UBR3: variants seen among roughly 807,000 people sequenced by gnomAD.
UBR3 encodes the protein E3 ubiquitin-protein ligase UBR3.
In UBR3, 85 loss-of-function variants were observed where a neutral mutation model predicts 243.2. That is an observed-to-expected ratio of 0.35 (90% CI 0.29 to 0.42). UBR3 has a LOEUF of 0.42. Among genes scored for constraint, UBR3 ranks in the 10% least tolerant of loss-of-function variants. The pLI, the probability that UBR3 is intolerant of heterozygous loss-of-function variation, is 1.00. For missense variants in UBR3, 1,686 were observed against 2,300.8 expected (o/e 0.73, Z 5.47); for synonymous variants, 748 against 799.8 (o/e 0.94, Z 1.09).
intron 25 of UBR3, among the ~76,000 whole-genome samples, chr2:169,992,617 A>C (rs1282721149): frequency 1.3e-5 from 2 of 152,186 alleles, no homozygotes; most frequent in African/African-American, 2.4e-5. Context: ...TGCTGTTATA[A>C]ATCCTTGCAA....
intron 1 of UBR3, among the ~76,000 whole-genome samples, chr2:169,831,280 C>T (rs1433146388): frequency 6.7e-6 from 1 of 150,016 alleles, no homozygotes; most frequent in East Asian, 2.0e-4. Context: ...GCTGGGATTA[C>T]AGGGATGCGC....
Position 169,877,629 on chromosome 2 carries a change from C to T in UBR3, c.980C>T (p.Ala327Val). ...QEPSAGTSSL[A>V]VQGFIGATGT... ...CCATCTGCTGGTACTAGTTCTCTGG[C>T]TGTTCAAGGTTTGTCTAAATATTTA... Residue 327 changes from alanine to valine, a missense_variant, in exon 4 of 39, where the codon GCT becomes GTT. Ala to Val is a moderately conservative substitution (Grantham distance 64). Around this residue, in one of 8 missense-constraint regions of UBR3, gnomAD observed 200 missense variants for 231.6 expected, o/e 0.86. Transcript: ENST00000272793. 6.5e-7 allele frequency: 1 copy of T among 1,541,518 alleles called. No homozygotes were observed. The highest frequency in any genetic ancestry group is 1.7e-4 in the Middle Eastern group (1 of 5,970).
At chr2:169,892,033 G>C (rs1035376572) in intron 6 of UBR3, among the ~76,000 whole-genome samples, 16 of 152,184 alleles carry the variant, frequency 1.1e-4, no homozygotes, top group Non-Finnish European at 2.2e-4. Context: ...TCTTACTTCT[G>C]CTGTTGATTA....
chr2:169,994,410 C>T lies in UBR3; in HGVS notation c.3872C>T (p.Ala1291Val). ...EQIYPWDTCA[A>V]VHDVRLSLLQ... ...ATTTACCCTTGGGATACCTGTGCAG[C>T]CGTTCATGATGTGAGGCTTTCATTA... Residue 1291 changes from alanine (A) to valine (V), a missense_variant, in exon 26 of 39, where the codon GCC (alanine) becomes GTC (valine). By Grantham distance (64) the Ala-to-Val change is moderately conservative. This residue lies in a region of UBR3 where 156 missense variants were observed against 246.3 expected (regional missense o/e 0.63). Transcript: ENST00000272793. 1 of 1,614,060 alleles carries T rather than the reference C, an allele frequency of 6.2e-7. No individual in the cohort carries two copies.
intron 11 of UBR3, among the ~76,000 whole-genome samples, chr2:169,920,175 A>C (rs1240657261): frequency 6.6e-6 from 1 of 152,172 alleles, no homozygotes; most frequent in Non-Finnish European, 1.5e-5. Flanking sequence ...AGGGACATGG[A>C]TGAAGCTAGA....
At chr2:169,985,301 T>C (rs2088952499) in intron 24 of UBR3, among the ~76,000 whole-genome samples, 1 of 149,622 alleles carries the variant, frequency 6.7e-6, no homozygotes, top group Admixed American at 6.7e-5. Context: ...CGATCTCGGC[T>C]AACTGCAACC....
intron 18 of UBR3, 134 bp from the exon 19 acceptor site, chr2:169,932,778 T>C (rs1017061928): frequency 1.4e-6 from 1 of 710,262 alleles, no homozygotes; most frequent in Non-Finnish European, 2.2e-6. Context: ...ATCAAGCTTC[T>C]TAAGGCAAAT....
At chr2:169,917,486 TTTAAA>T (rs1428129544) in intron 11 of UBR3, among the ~76,000 whole-genome samples, 1 of 152,208 alleles carries the variant, frequency 6.6e-6, no homozygotes, top group Admixed American at 6.5e-5. Flanking sequence ...GAAAATGATA[TTTAAA>T]TTAATCATGC....
At chr2:169,935,409 T>G (rs1354592410) in intron 19 of UBR3, among the ~76,000 whole-genome samples, 1 of 152,210 alleles carries the variant, frequency 6.6e-6, no homozygotes, top group Non-Finnish European at 1.5e-5. Context: ...TCTCAAGTGA[T>G]CTTCCTGTCT....
intron 32 of UBR3, among the ~76,000 whole-genome samples, chr2:170,048,296 G>A (rs529612015): frequency 1.6e-4 from 24 of 152,232 alleles, no homozygotes; most frequent in Admixed American, 6.5e-4. Flanking sequence ...AGTTTTGGCC[G>A]ATTCATGGAG....
At position 169,877,586 on chromosome 2, in the gene UBR3, G is replaced by C; in HGVS notation, c.937G>C (p.Val313Leu). The stretch of plus-strand genomic sequence containing the variant: ...ACTTACATATCCTGAGGATAAGCTT[G>C]TATATGGTGTGCAGGAGCCATCTGC... ...SGLTYPEDKL[V>L]YGVQEPSAGT... The change falls in exon 4 of 39, where the codon GTA becomes CTA. Residue 313 changes from valine (V) to leucine (L), a missense_variant. By Grantham distance (32) the Val-to-Leu change is conservative. Around this residue, in one of 8 missense-constraint regions of UBR3, gnomAD observed 200 missense variants for 231.6 expected, o/e 0.86. Transcript: ENST00000272793. 1 of 1,549,794 alleles carries C rather than the reference G, an allele frequency of 6.5e-7. No homozygotes were observed. Among genetic ancestry groups the C allele is most frequent in the Non-Finnish European group, 8.7e-7 (1 of 1,146,618 alleles).
At chr2:169,964,775 C>T in intron 24 of UBR3, 1 of 432,560 alleles carries the variant, frequency 2.3e-6, no homozygotes, top group Non-Finnish European at 4.6e-6. Context: ...GTCATAAGTG[C>T]AAAGTTATTG....
chr2:169,893,328 A>G (rs567802329), intron 6 of UBR3, among the ~76,000 whole-genome samples: 1 of 152,230 alleles, frequency 6.6e-6, no homozygotes, highest in Non-Finnish European at 1.5e-5. Flanking sequence ...GTGCTTGACA[A>G]TTAATAATAA....
Position 169,939,647 on chromosome 2 carries a change from T to C in UBR3, c.2664-2846T>C, listed in dbSNP as rs2086501754. The stretch of plus-strand genomic sequence containing the variant: ...GGTGCAATCTTGGCTCACTGTAGCC[T>C]TTAACTCCTGGGCTCAAGCGATCTT... On this transcript the variant is annotated intron_variant, in intron 19 of 38. Coordinates refer to ENST00000272793, the MANE Select transcript of UBR3 (RefSeq NM_172070.4). 2.0e-5 allele frequency among the ~76,000 whole-genome samples: 3 copies of C among 151,838 alleles called. No individual in the cohort carries two copies. In the South Asian group the frequency reaches 6.2e-4, roughly 32 times the overall value.
intron 23 of UBR3, among the ~76,000 whole-genome samples, chr2:169,951,703 G>T (rs1266041006): frequency 6.6e-6 from 1 of 151,840 alleles, no homozygotes; most frequent in African/African-American, 2.4e-5. Context: ...ATTAGAGTGG[G>T]GTAAGACTGG....
chr2:170,080,249 T>C (rs2091884619), intron 37 of UBR3: 2 of 584,050 alleles, frequency 3.4e-6, no homozygotes, highest in African/African-American at 3.7e-5. Flanking sequence ...TTTCATCTAC[T>C]ATCCCTTTAA....
chr2:170,054,823 T>TG (rs1245213511), intron 32 of UBR3, among the ~76,000 whole-genome samples: 1 of 152,204 alleles, frequency 6.6e-6, no homozygotes, highest in Non-Finnish European at 1.5e-5. Flanking sequence ...ATTGAGCATG[T>TG]GAAGCCCAGG....
chr2:169,872,143 G>T, intron 1 of UBR3, 93 bp from the exon 2 acceptor site: 1 of 860,522 alleles, frequency 1.2e-6, no homozygotes, highest in South Asian at 2.7e-5. Flanking sequence ...GGATTTATTG[G>T]CCTATATTCC....
intron 24 of UBR3, among the ~76,000 whole-genome samples, chr2:169,965,762 A>G (rs1446511509): frequency 6.6e-6 from 1 of 152,130 alleles, no homozygotes; most frequent in African/African-American, 2.4e-5. Context: ...AAATTTTTGA[A>G]TTGTTTATTT....
Sources: gnomAD v4.1 joint callset for allele counts (sites outside exome capture counted in the v4.1 genomes callset) on GRCh38, gnomAD v4.1.1 for gene constraint, gnomAD v4.1.1 regional missense constraint, MANE v1.5 for transcripts, NCBI Gene and HGNC (gene_info 2026-07-23, HGNC 2026-07-21) for gene names.